Variants in PLPPR1 observed in about 807,000 individuals in gnomAD.
PLPPR1 encodes phospholipid phosphatase-related protein type 1.
PLPPR1 carries 10 observed loss-of-function variants against 33.1 expected under a neutral mutation model. The ratio of observed to expected loss-of-function variants is 0.30; its 90% CI spans 0.19 to 0.51. PLPPR1 has a LOEUF of 0.51. Ranked by LOEUF, PLPPR1 falls within the 20% of genes least tolerant of loss-of-function variation. PLPPR1 has a pLI of 0.97. For synonymous variants in PLPPR1, 151 were observed against 151.0 expected (o/e 1.00, Z 0.00); for missense variants, 304 against 408.1 (o/e 0.74, Z 2.20).
At chr9:101,266,312 C>A (rs1250328923) in intron 2 of PLPPR1, among the ~76,000 whole-genome samples, 1 of 149,532 alleles carries the variant, frequency 6.7e-6, no homozygotes, top group Non-Finnish European at 1.5e-5. Flanking sequence ...CCTGTAATCC[C>A]AGCTACCGGG....
At chr9:101,269,242 T>C (rs1181855225) in intron 2 of PLPPR1, among the ~76,000 whole-genome samples, 3 of 152,128 alleles carry the variant, frequency 2.0e-5, no homozygotes, top group Admixed American at 1.3e-4. Context: ...ATTTCTATAA[T>C]AAGATACGAT....
At chr9:101,285,658 C>T (rs1828381963) in intron 3 of PLPPR1, among the ~76,000 whole-genome samples, 1 of 152,134 alleles carries the variant, frequency 6.6e-6, no homozygotes, top group South Asian at 2.1e-4. Flanking sequence ...TGTCATTTCA[C>T]TTAAAGTTCC....
rs79915656 is a variant in PLPPR1 at position 101,071,766 on chromosome 9, G to A, written c.-46+42664G>A. On this transcript the variant is annotated intron_variant, in intron 1 of 7. Transcript: ENST00000374874. Reference sequence around the variant, plus strand: ...AACAAAGGAAATCAAAAGCATGAAGGCAAACAATCTAAATACTATGTCAGG... The same window carrying A: ...AACAAAGGAAATCAAAAGCATGAAGACAAACAATCTAAATACTATGTCAGG... Among the ~76,000 whole-genome samples, 1,473 of 152,198 alleles carry A rather than the reference G, an allele frequency of 9.7e-3. 21 individuals carry two copies. The highest frequency in any genetic ancestry group is 0.033 in the African/African-American group (1,388 of 41,540).
chr9:101,048,932 G>T lies in PLPPR1; in HGVS notation c.-46+19830G>T, dbSNP rs557299255. On this transcript the variant is annotated intron_variant, in intron 1 of 7. Transcript: ENST00000374874. ...ATAGATAATAAAAAAAGAGCAAAGT[G>T]TATAAATAAGAAACTTATAAAAGAG... Among the ~76,000 whole-genome samples the T allele has an allele frequency of 1.2e-3, 188 of 152,270 alleles. 1 individual carries two copies. Among genetic ancestry groups the T allele is most frequent in the African/African-American group, 4.3e-3 (179 of 41,552 alleles).
intron 3 of PLPPR1, among the ~76,000 whole-genome samples, chr9:101,276,540 G>T (rs529423901): frequency 1.3e-5 from 2 of 152,074 alleles, no homozygotes; most frequent in South Asian, 4.1e-4. Flanking sequence ...AATATTGTTT[G>T]CCTAAAAATA....
At chr9:101,154,217 G>A (rs1831642436) in intron 1 of PLPPR1, among the ~76,000 whole-genome samples, 1 of 152,074 alleles carries the variant, frequency 6.6e-6, no homozygotes, top group Non-Finnish European at 1.5e-5. Flanking sequence ...GGATGATCCT[G>A]GCCTCATAAA....
chr9:101,178,903 T>C (rs1475610890), intron 1 of PLPPR1, among the ~76,000 whole-genome samples: 2 of 152,190 alleles, frequency 1.3e-5, no homozygotes, highest in African/African-American at 4.8e-5. Flanking sequence ...TCCTGCGACA[T>C]TATGTTCTGC....
chr9:101,249,682 G>T (rs950128940), intron 2 of PLPPR1, among the ~76,000 whole-genome samples: 6 of 152,072 alleles, frequency 3.9e-5, no homozygotes, highest in Non-Finnish European at 5.9e-5. Flanking sequence ...GGTCTAATGT[G>T]TGTCATTGTC....
chr9:101,309,110 T>G (rs112895677), intron 4 of PLPPR1, 101 bp from the exon 5 acceptor site: 14 of 1,216,576 alleles, frequency 1.2e-5, no homozygotes, highest in African/African-American at 9.0e-5. Context: ...TAGAATCATT[T>G]TGATAGGTCA....
At position 101,241,929 on chromosome 9, in the gene PLPPR1, T is replaced by C. The variant is rs544525521; in HGVS notation, c.64-27951T>C. ...GCCCCAAATGTAATCATTTATTTTT[T>C]AAAATGCATTTTATTTTGCACAGAA... On this transcript the variant is annotated intron_variant, in intron 2 of 7. Coordinates refer to ENST00000374874, the MANE Select transcript of PLPPR1 (RefSeq NM_207299.2). Among the ~76,000 whole-genome samples, 29 of 152,238 alleles carry C rather than the reference T, an allele frequency of 1.9e-4. 1 individual carries two copies. Among genetic ancestry groups the C allele is most frequent in the African/African-American group, 7.0e-4 (29 of 41,570 alleles).
At chr9:101,152,769 G>T (rs1831607778) in intron 1 of PLPPR1, among the ~76,000 whole-genome samples, 1 of 152,062 alleles carries the variant, frequency 6.6e-6, no homozygotes, top group Non-Finnish European at 1.5e-5. Flanking sequence ...TCTCTGTTTT[G>T]GTACCAGTAC....
At position 101,049,916 on chromosome 9, in the gene PLPPR1, A is replaced by G. The variant is rs1000670025; in HGVS notation, c.-46+20814A>G. Among the ~76,000 whole-genome samples the G allele has an allele frequency of 3.3e-5, 5 of 151,836 alleles. 1 individual carries two copies. Among genetic ancestry groups the G allele is most frequent in the African/African-American group, 4.8e-5 (2 of 41,346 alleles). Reference sequence around the variant, plus strand: ...TGAGGTGGGCAGATCACCTGAGGTTAGGAGTTCAAGACCAGCCTGGCCAAC... The same window carrying G: ...TGAGGTGGGCAGATCACCTGAGGTTGGGAGTTCAAGACCAGCCTGGCCAAC... On this transcript the variant is annotated intron_variant, in intron 1 of 7. Transcript: ENST00000374874.
chr9:101,306,994 C>T (rs944313990), intron 4 of PLPPR1, among the ~76,000 whole-genome samples: 1 of 152,206 alleles, frequency 6.6e-6, no homozygotes, highest in Non-Finnish European at 1.5e-5. Context: ...GTGCAGGTTC[C>T]ACCGCGCTTT....
intron 4 of PLPPR1, among the ~76,000 whole-genome samples, chr9:101,306,534 C>T (rs572708569): frequency 6.4e-4 from 97 of 152,304 alleles, no homozygotes; most frequent in Non-Finnish European, 1.2e-3. Flanking sequence ...GCAATCACAA[C>T]AAGGACATAG....
intron 2 of PLPPR1, among the ~76,000 whole-genome samples, chr9:101,268,672 A>G (rs560709199): frequency 6.6e-6 from 1 of 152,308 alleles, no homozygotes; most frequent in Non-Finnish European, 1.5e-5. Flanking sequence ...TAAGAACTTT[A>G]GTCTTCTTAA....
intron 1 of PLPPR1, among the ~76,000 whole-genome samples, chr9:101,111,356 A>G (rs1043581503): frequency 6.6e-6 from 1 of 152,182 alleles, no homozygotes; most frequent in African/African-American, 2.4e-5. Context: ...ATATTATTGT[A>G]GCCCAATTCT....
intron 5 of PLPPR1, among the ~76,000 whole-genome samples, chr9:101,309,893 G>A (rs1211210684): frequency 6.6e-6 from 1 of 152,074 alleles, no homozygotes; most frequent in East Asian, 1.9e-4. Flanking sequence ...GCAAGCATGG[G>A]CCTTATATGA....
At chr9:101,133,938 G>T (rs1401704521) in intron 1 of PLPPR1, among the ~76,000 whole-genome samples, 1 of 152,124 alleles carries the variant, frequency 6.6e-6, no homozygotes, top group Non-Finnish European at 1.5e-5. Flanking sequence ...TACAAAATTG[G>T]ATCCGTAATA....
At chr9:101,055,985 A>AG (rs1422852631) in intron 1 of PLPPR1, among the ~76,000 whole-genome samples, 1 of 152,196 alleles carries the variant, frequency 6.6e-6, no homozygotes, top group Non-Finnish European at 1.5e-5. Context: ...ACTTTATGCA[A>AG]GTTATTAATA....
Sources: allele counts gnomAD v4.1 joint callset (sites outside exome capture counted in the v4.1 genomes callset), GRCh38; gene constraint gnomAD v4.1.1; transcripts MANE v1.5; gene names NCBI Gene and HGNC (gene_info 2026-07-23, HGNC 2026-07-21).